The following CACNA1B variants were observed in gnomAD, a reference collection of about 807,000 sequenced individuals.
CACNA1B encodes the protein calcium voltage-gated channel subunit alpha1 B.
A neutral mutation model predicts 247.2 loss-of-function variants in CACNA1B; 70 were observed. The observed-to-expected ratio is 0.28, with a 90% CI of 0.23 to 0.35. The LOEUF (loss-of-function observed/expected upper bound fraction) is 0.35, where lower values mean the gene tolerates loss of function less well. Ranked by LOEUF, CACNA1B falls within the 10% of genes least tolerant of loss-of-function variation. CACNA1B has a pLI of 1.00. For synonymous variants in CACNA1B, 1,231 were observed against 1,294.4 expected (o/e 0.95, Z 1.05); for missense variants, 2,367 against 3,197.4 (o/e 0.74, Z 6.26).
chr9:137,959,719 C>G lies in CACNA1B; in HGVS notation c.1333+2032C>G, dbSNP rs988097170. 3.3e-5 allele frequency among the ~76,000 whole-genome samples: 5 copies of G among 152,256 alleles called. No individual in the cohort carries two copies. The South Asian group carries it at 8.3e-4, about 25-fold the overall frequency. On this transcript the variant is annotated intron_variant, in intron 10 of 46. Transcript: ENST00000371372. ...GCGATTCTCTTAACCTCGCCTGTGT[C>G]GAGTGCTTGTGCCTCATTCAGCAGA... is the stretch of plus-strand genomic sequence containing the variant.
At position 138,115,695 on chromosome 9, in the gene CACNA1B, C is replaced by T. The variant is rs2131368052; in HGVS notation, c.5777+16C>T. ...GCGGGGCCATGTGAGTATCCAGATG[C>T]AGGACATAGCTGGACAGGAGGAGGT... is the stretch of plus-strand genomic sequence containing the variant. On this transcript the variant is annotated intron_variant, in intron 42 of 46. Transcript: ENST00000371372. The T allele has an allele frequency of 6.2e-7, 1 of 1,606,038 alleles. No homozygotes were observed. The highest frequency in any genetic ancestry group is 8.5e-7 in the Non-Finnish European group (1 of 1,175,202).
chr9:137,930,573 T>C (rs570297801), intron 6 of CACNA1B, among the ~76,000 whole-genome samples: 10 of 152,378 alleles, frequency 6.6e-5, no homozygotes, highest in Admixed American at 1.3e-4. Context: ...TCTGCTGTTG[T>C]GTGCTGCATG....
chr9:138,098,515 A>G (rs1162827682), intron 37 of CACNA1B, among the ~76,000 whole-genome samples: 1 of 152,208 alleles, frequency 6.6e-6, no homozygotes, highest in Non-Finnish European at 1.5e-5. Flanking sequence ...AGGCAGATCA[A>G]CAAAGGCCTG....
At chr9:138,116,031 G>A (rs1481654688) in intron 42 of CACNA1B, among the ~76,000 whole-genome samples, 2 of 152,126 alleles carry the variant, frequency 1.3e-5, no homozygotes, top group East Asian at 1.9e-4. Flanking sequence ...GTGCTTCATC[G>A]AACCCGCCTT....
At chr9:138,096,388 C>T in intron 36 of CACNA1B, 96 bp from the exon 37 acceptor site, 1 of 1,038,892 alleles carries the variant, frequency 9.6e-7, no homozygotes, top group Non-Finnish European at 1.5e-6. Flanking sequence ...CCCCTGCTAT[C>T]CTGAGAGCTT....
chr9:138,003,319 C>G (rs12339596), intron 15 of CACNA1B, among the ~76,000 whole-genome samples: 1 of 151,112 alleles, frequency 6.6e-6, no homozygotes, highest in Admixed American at 6.6e-5. Context: ...ACTACAGGTG[C>G]GCACTACCAC....
chr9:138,058,364 C>A lies in CACNA1B; in HGVS notation c.4308+114C>A. 1.9e-6 allele frequency: 2 copies of A among 1,041,364 alleles called. No individual in the cohort carries two copies. Among genetic ancestry groups the A allele is most frequent in the Non-Finnish European group, 2.9e-6 (2 of 683,752 alleles). 64.5% of individuals were successfully genotyped at this position (1,041,364 alleles called of 1,614,324 possible). A position where few individuals can be genotyped will look rare whatever the true frequency, so the allele number is the denominator to read the frequency against. ...GTCAGCTTTGGCTGCCACCGTCTGC[C>A]AACACAGGGGCAGGTCCTCCTTTCT... On this transcript the variant is annotated intron_variant, in intron 28 of 46. Transcript: ENST00000371372. This position sits in a 1 kb window ranked among gnomAD's most constrained non-coding sequence, Gnocchi z 4.7.
At position 138,030,631 on chromosome 9, in the gene CACNA1B, T is replaced by C. The variant is rs555126560; in HGVS notation, c.3286+5459T>C. On this transcript the variant is annotated intron_variant, in intron 20 of 46. Transcript: ENST00000371372. ...AATTGAATGGATTGTCCCTCTTCTATTTTCTAGAGGAGATTATGTTGAACT... is the reference window on the plus strand; with the variant it reads ...AATTGAATGGATTGTCCCTCTTCTACTTTCTAGAGGAGATTATGTTGAACT... Among the ~76,000 whole-genome samples the C allele has an allele frequency of 1.2e-3, 182 of 152,302 alleles. 1 individual carries two copies. Among genetic ancestry groups the C allele is most frequent in the Non-Finnish European group, 2.2e-3 (152 of 68,004 alleles).
At chr9:137,949,587 A>C (rs2133334133) in intron 6 of CACNA1B, among the ~76,000 whole-genome samples, 1 of 152,140 alleles carries the variant, frequency 6.6e-6, no homozygotes, top group Middle Eastern at 3.4e-3. Context: ...TCATGTGATC[A>C]CAGAGGCTGG....
At chr9:137,909,807 A>G (rs1361177294) in intron 3 of CACNA1B, among the ~76,000 whole-genome samples, 5 of 151,422 alleles carry the variant, frequency 3.3e-5, no homozygotes, top group Non-Finnish European at 7.4e-5. Context: ...GTCTCACTCT[A>G]TCACCCAGGC....
intron 6 of CACNA1B, among the ~76,000 whole-genome samples, chr9:137,938,292 A>G (rs535899299): frequency 1.1e-4 from 16 of 152,298 alleles, no homozygotes; most frequent in Admixed American, 5.2e-4. Context: ...TTCAAAATAC[A>G]CCAAAATGGA....
At chr9:138,108,274 A>G (rs1449851631) in intron 39 of CACNA1B, among the ~76,000 whole-genome samples, 1 of 147,560 alleles carries the variant, frequency 6.8e-6, no homozygotes, top group African/African-American at 2.5e-5. Context: ...GTGCCACTGC[A>G]CTATAGCCTG....
At chr9:137,980,266 TA>T (rs1227869012) in intron 12 of CACNA1B, among the ~76,000 whole-genome samples, 5 of 152,210 alleles carry the variant, frequency 3.3e-5, no homozygotes, top group Admixed American at 2.6e-4. Context: ...TACCCACACC[TA>T]TTAGGCCTTA....
At chr9:137,956,325 A>G (rs1710248544) in intron 8 of CACNA1B, among the ~76,000 whole-genome samples, 1 of 152,146 alleles carries the variant, frequency 6.6e-6, no homozygotes, top group Admixed American at 6.5e-5. Context: ...CTGTAGAAAA[A>G]GCTCAGCTGT....
At chr9:138,083,815 C>T (rs533403029) in intron 36 of CACNA1B, among the ~76,000 whole-genome samples, 31 of 150,476 alleles carry the variant, frequency 2.1e-4, no homozygotes, top group South Asian at 1.9e-3. Flanking sequence ...CAAATGAGAG[C>T]GGTGCTCTGC....
At chr9:138,003,274 G>A (rs1268014082) in intron 15 of CACNA1B, among the ~76,000 whole-genome samples, 1 of 151,312 alleles carries the variant, frequency 6.6e-6, no homozygotes, top group African/African-American at 2.4e-5. Flanking sequence ...ACTGGCTCAA[G>A]TGATCCTCCT....
intron 39 of CACNA1B, among the ~76,000 whole-genome samples, chr9:138,106,393 C>T (rs557044417): frequency 3.9e-5 from 6 of 152,250 alleles, no homozygotes; most frequent in East Asian, 1.9e-4. Flanking sequence ...CCAAGGGTGC[C>T]GTAGTGGCAA....
chr9:137,987,435 C>G (rs1958378975), intron 15 of CACNA1B, among the ~76,000 whole-genome samples: 1 of 152,250 alleles, frequency 6.6e-6, no homozygotes, highest in Non-Finnish European at 1.5e-5. Context: ...TGTGGCCCCA[C>G]AGTCCTGCCC....
intron 36 of CACNA1B, among the ~76,000 whole-genome samples, chr9:138,084,717 C>T (rs1259268583): frequency 1.3e-5 from 2 of 150,860 alleles, no homozygotes; most frequent in South Asian, 2.1e-4. Context: ...TTTGGGAGGC[C>T]GAGGAGGGTG....
Sources: allele counts gnomAD v4.1 joint callset (sites outside exome capture counted in the v4.1 genomes callset), GRCh38; gene constraint gnomAD v4.1.1; non-coding constraint Gnocchi (gnomAD v3.1); transcripts MANE v1.5; gene names NCBI Gene and HGNC (gene_info 2026-07-23, HGNC 2026-07-21).